Variants in KPNA4 observed in about 807,000 individuals in gnomAD.
KPNA4 encodes karyopherin subunit alpha 4.
A neutral mutation model predicts 71.3 loss-of-function variants in KPNA4; 13 were observed. That is an observed-to-expected ratio of 0.18 (90% CI 0.12 to 0.29). The LOEUF (loss-of-function observed/expected upper bound fraction) is 0.29, where lower values mean the gene tolerates loss of function less well. Among genes scored for constraint, KPNA4 ranks in the 10% least tolerant of loss-of-function variants. The pLI is 1.00. For synonymous variants in KPNA4, 189 were observed against 195.2 expected (o/e 0.97, Z 0.26); for missense variants, 334 against 603.2 (o/e 0.55, Z 4.67).
chr3:160,522,993 G>A (rs988203271), intron 10 of KPNA4, among the ~76,000 whole-genome samples: 1 of 151,652 alleles, frequency 6.6e-6, no homozygotes, highest in Non-Finnish European at 1.5e-5. Context: ...TTCCTAGTAC[G>A]TTAGGTCCTA....
In KPNA4 at chr3:160,508,097, A is replaced by C; in HGVS notation, c.1372+10T>G. On this transcript the variant is annotated intron_variant, in intron 15 of 16. Coordinates refer to ENST00000334256, the MANE Select transcript of KPNA4 (RefSeq NM_002268.5). ...TTAAGATGTGGAATAAGAGCTTATA[A>C]TAAACTTACCTCCACATTCTTCTAT... 6.3e-7 allele frequency: 1 copy of C among 1,592,216 alleles called. No individual in the cohort carries two copies. The highest frequency in any genetic ancestry group is 2.3e-5 in the East Asian group (1 of 44,276).
At chr3:160,508,061 C>T (rs1560043942) in intron 15 of KPNA4, 46 bp downstream of exon 15, 1 of 1,447,660 alleles carries the variant, frequency 6.9e-7, no homozygotes. Flanking sequence ...AAGGTAGTTA[C>T]AAAGAGAACA....
intron 1 of KPNA4, among the ~76,000 whole-genome samples, chr3:160,555,631 C>A (rs967922477): frequency 2.0e-5 from 3 of 152,076 alleles, no homozygotes; most frequent in African/African-American, 7.2e-5. Context: ...ATATTAATAT[C>A]TTGTTGTATC....
chr3:160,505,853 C>A lies in KPNA4; in HGVS notation c.1373-801G>T, dbSNP rs575512278. Among the ~76,000 whole-genome samples, 3 of 152,338 alleles carry A rather than the reference C, an allele frequency of 2.0e-5. No individual in the cohort carries two copies. The South Asian group carries it at 6.2e-4, about 32-fold the overall frequency. ...AGCTTCATTTCTTTTCTGAGCTTCA[C>A]ATGCATAAAACTAAAATGCTTGTGT... On this transcript the variant is annotated intron_variant, in intron 15 of 16. Transcript: ENST00000334256.
chr3:160,545,324 C>T (rs745839058), intron 1 of KPNA4, among the ~76,000 whole-genome samples: 2 of 152,180 alleles, frequency 1.3e-5, no homozygotes, highest in Non-Finnish European at 2.9e-5. Flanking sequence ...TATGCATGTG[C>T]ATAGGAAACC....
At chr3:160,553,542 T>C (rs1168661915) in intron 1 of KPNA4, among the ~76,000 whole-genome samples, 2 of 152,170 alleles carry the variant, frequency 1.3e-5, no homozygotes, top group Non-Finnish European at 2.9e-5. Flanking sequence ...CTACCTGACA[T>C]GTCTTGGATA....
intron 1 of KPNA4, among the ~76,000 whole-genome samples, chr3:160,543,065 A>C (rs575198589): frequency 6.9e-6 from 1 of 144,374 alleles, no homozygotes; most frequent in Admixed American, 7.0e-5. Flanking sequence ...GAAAAGTCAC[A>C]AAATAAAGAA....
chr3:160,543,216 T>C (rs1427671637), intron 1 of KPNA4, among the ~76,000 whole-genome samples: 3 of 152,208 alleles, frequency 2.0e-5, no homozygotes, highest in African/African-American at 7.2e-5. Context: ...TACTAGCATA[T>C]GGCTACTAGT....
At position 160,530,893 on chromosome 3, in the gene KPNA4, G is replaced by C; in HGVS notation, c.431C>G (p.Ser144Cys). ...EAAWALTNIA[S>C]GTSEQTQAVV... is the part of the protein sequence containing the mutation. ...TGCTTGAGTTTGTTCAGAAGTTCCA[G>C]ATGCAATGTTTGTCAAAGCCCATGC... is the stretch of plus-strand genomic sequence containing the variant. The change falls in exon 7 of 17, where the codon TCT becomes TGT. Residue 144 changes from serine to cysteine, a missense_variant. By Grantham distance (112) the Ser-to-Cys change is moderately radical. Coordinates refer to ENST00000334256, the MANE Select transcript of KPNA4 (RefSeq NM_002268.5). 1 of 1,612,428 alleles carries C rather than the reference G, an allele frequency of 6.2e-7. No homozygotes were observed. Among genetic ancestry groups the C allele is most frequent in the Non-Finnish European group, 8.5e-7 (1 of 1,179,264 alleles).
chr3:160,518,709 A>C (rs1015368760), intron 11 of KPNA4, among the ~76,000 whole-genome samples: 8 of 151,776 alleles, frequency 5.3e-5, no homozygotes, highest in South Asian at 4.2e-4. Flanking sequence ...AAAATACAAA[A>C]AATCAGCTGG....
Position 160,499,674 on chromosome 3 carries a change from T to C in KPNA4, c.*2430A>G, listed in dbSNP as rs1720839241. 3 of 152,174 alleles carry C rather than the reference T, an allele frequency of 2.0e-5. No individual in the cohort carries two copies. The highest frequency in any genetic ancestry group is 7.2e-5 in the African/African-American group (3 of 41,458). 9.4% of individuals were successfully genotyped at this position (152,174 alleles called of 1,614,324 possible). On this transcript the variant is annotated 3_prime_UTR_variant, in exon 17 of 17. Coordinates refer to ENST00000334256, the MANE Select transcript of KPNA4 (RefSeq NM_002268.5). ...ATACCCAGAGATATTAATATCACCC[T>C]TACCTATTTTCCATATCACTGTTCT... is the stretch of plus-strand genomic sequence containing the variant.
rs1284550702 is a variant in KPNA4, at chr3:160,496,471, C to G, written c.*5633G>C. 2.6e-5 allele frequency: 4 copies of G among 152,102 alleles called. No homozygotes were observed. Among genetic ancestry groups the G allele is most frequent in the Non-Finnish European group, 5.9e-5 (4 of 68,016 alleles). 9.4% of individuals were successfully genotyped at this position (152,102 alleles called of 1,614,324 possible). On this transcript the variant is annotated 3_prime_UTR_variant, in exon 17 of 17. Coordinates refer to ENST00000334256, the MANE Select transcript of KPNA4 (RefSeq NM_002268.5). Reference sequence around the variant, plus strand: ...AGCTGTTTCAAAGTAAGAGTAAAAACAGGCTGGAGAAAATCTTGGGTAATA... The same window carrying G: ...AGCTGTTTCAAAGTAAGAGTAAAAAGAGGCTGGAGAAAATCTTGGGTAATA...
chr3:160,534,718 G>GAAAAAA (rs544384718), intron 5 of KPNA4, among the ~76,000 whole-genome samples: 8 of 73,138 alleles, frequency 1.1e-4, no homozygotes, highest in East Asian at 4.0e-4. Context: ...CTCCATCTCA[G>GAAAAAA]AAAAAAAAAA....
At chr3:160,506,006 C>T (rs1312895670) in intron 15 of KPNA4, among the ~76,000 whole-genome samples, 1 of 152,090 alleles carries the variant, frequency 6.6e-6, no homozygotes, top group African/African-American at 2.4e-5. Context: ...TCAACAATAG[C>T]TTGAAATTTA....
intron 1 of KPNA4, among the ~76,000 whole-genome samples, chr3:160,550,364 C>G (rs1239434387): frequency 6.6e-6 from 1 of 152,168 alleles, no homozygotes; most frequent in East Asian, 1.9e-4. Context: ...CTCAAGCAAT[C>G]TTCCCCCCTC....
intron 1 of KPNA4, among the ~76,000 whole-genome samples, chr3:160,550,087 T>C (rs531654622): frequency 1.3e-5 from 2 of 152,344 alleles, no homozygotes; most frequent in South Asian, 4.1e-4. Flanking sequence ...TCCTGCAACT[T>C]TGCTAAATTT....
At chr3:160,528,183 G>A in intron 7 of KPNA4, 144 bp from the exon 8 acceptor site, 1 of 528,490 alleles carries the variant, frequency 1.9e-6, no homozygotes, top group Non-Finnish European at 3.4e-6. Context: ...AATTTTATTG[G>A]AATAGCATCA....
At chr3:160,545,443 A>G (rs1721884767) in intron 1 of KPNA4, among the ~76,000 whole-genome samples, 2 of 152,242 alleles carry the variant, frequency 1.3e-5, no homozygotes, top group South Asian at 4.1e-4. Flanking sequence ...TTTTAGTGTG[A>G]AAGACTGTAA....
At chr3:160,530,134 CAAAAA>C (rs746257397) in intron 7 of KPNA4, among the ~76,000 whole-genome samples, 2 of 38,528 alleles carry the variant, frequency 5.2e-5, no homozygotes, top group African/African-American at 7.1e-5. Context: ...GACTCCATCT[CAAAAA>C]AAAAAAAAAA....
Sources: gnomAD v4.1 joint callset for allele counts (sites outside exome capture counted in the v4.1 genomes callset) on GRCh38, gnomAD v4.1.1 for gene constraint, MANE v1.5 for transcripts, NCBI Gene and HGNC (gene_info 2026-07-23, HGNC 2026-07-21) for gene names.